Variants in WWOX observed in about 807,000 individuals in gnomAD.
The protein encoded by WWOX is WW domain containing oxidoreductase, also known as WW domain-containing oxidoreductase.
A neutral mutation model predicts 46.2 loss-of-function variants in WWOX; 69 were observed. That is an observed-to-expected ratio of 1.49 (90% CI 1.23 to 1.82). WWOX has a LOEUF of 1.82. WWOX is among the 40% of genes most tolerant of loss of function. The pLI, the probability that WWOX is intolerant of heterozygous loss-of-function variation, is 0.00. For synonymous variants in WWOX, 359 were observed against 202.6 expected, an observed-to-expected ratio of 1.77 and a Z score of -6.56; for missense variants, 919 against 542.6, an observed-to-expected ratio of 1.69 and a Z score of -6.89.
At chr16:79,198,257 G>C (rs537018549) in intron 8 of WWOX, among the ~76,000 whole-genome samples, 1 of 152,284 alleles carries the variant, frequency 6.6e-6, no homozygotes, top group South Asian at 2.1e-4. Context: ...AGAATCGCTT[G>C]AACCTGGGAG....
chr16:79,157,870 G>C (rs2050412429), intron 8 of WWOX, among the ~76,000 whole-genome samples: 1 of 152,218 alleles, frequency 6.6e-6, no homozygotes, highest in South Asian at 2.1e-4. Flanking sequence ...GTTTGAGTAA[G>C]TTCAGCAGGC....
chr16:79,034,026 A>G (rs778542279), intron 8 of WWOX, among the ~76,000 whole-genome samples: 1 of 152,172 alleles, frequency 6.6e-6, no homozygotes, highest in Non-Finnish European at 1.5e-5. Flanking sequence ...TTATGTCAGG[A>G]AGCACAGGCT....
chr16:78,825,633 G>A (rs1453829537), intron 8 of WWOX: 15 of 517,968 alleles, frequency 2.9e-5, no homozygotes, highest in Admixed American at 1.3e-4. Context: ...GAGGGCCTGC[G>A]ATGGTGGGCT....
At chr16:78,757,482 C>T (rs1304134857) in intron 8 of WWOX, among the ~76,000 whole-genome samples, 1 of 152,042 alleles carries the variant, frequency 6.6e-6, no homozygotes, top group East Asian at 1.9e-4. Flanking sequence ...CCATCTAGGA[C>T]CCTGGCTGCA....
chr16:78,572,545 G>T (rs1252590104), intron 8 of WWOX, among the ~76,000 whole-genome samples: 2 of 140,254 alleles, frequency 1.4e-5, no homozygotes, highest in Non-Finnish European at 3.0e-5. Context: ...CGAGGCTGCA[G>T]TGAGCCATGA....
intron 8 of WWOX, among the ~76,000 whole-genome samples, chr16:79,104,635 G>A (rs72795700): frequency 1.7e-4 from 26 of 152,248 alleles, no homozygotes; most frequent in Non-Finnish European, 2.9e-4. Context: ...ATGTCACCAT[G>A]TACCTTTGTG....
At chr16:79,031,905 T>TAGAGAG (rs1567501240) in intron 8 of WWOX, among the ~76,000 whole-genome samples, 1 of 51,338 alleles carries the variant, frequency 1.9e-5, no homozygotes, top group African/African-American at 4.2e-5. Context: ...GATATCTATA[T>TAGAGAG]ATATAGATAT....
intron 8 of WWOX, among the ~76,000 whole-genome samples, chr16:78,935,889 G>A (rs1011010888): frequency 3.3e-5 from 5 of 152,020 alleles, no homozygotes; most frequent in African/African-American, 1.2e-4. Flanking sequence ...TTCGGCCTGG[G>A]TGACAGAGTG....
chr16:78,493,191 A>G (rs2084828576), intron 8 of WWOX, among the ~76,000 whole-genome samples: 1 of 152,190 alleles, frequency 6.6e-6, no homozygotes, highest in Admixed American at 6.5e-5. Flanking sequence ...ATGGAATAAT[A>G]CATGTTTCCT....
chr16:78,395,725 C>T (rs984109613), intron 6 of WWOX, among the ~76,000 whole-genome samples: 1 of 151,818 alleles, frequency 6.6e-6, no homozygotes, highest in Non-Finnish European at 1.5e-5. Flanking sequence ...TACTTTATTA[C>T]TCTACTGAGT....
At chr16:78,731,264 C>G (rs2048962576) in intron 8 of WWOX, among the ~76,000 whole-genome samples, 1 of 152,082 alleles carries the variant, frequency 6.6e-6, no homozygotes, top group Non-Finnish European at 1.5e-5. Context: ...CAAGGTTAGA[C>G]CCGAGGTAAG....
intron 8 of WWOX, among the ~76,000 whole-genome samples, chr16:78,845,944 C>T (rs1168402609): frequency 1.4e-5 from 2 of 140,526 alleles, no homozygotes; most frequent in South Asian, 4.2e-4. Context: ...CCAGTTTTTC[C>T]CATAAAATAA....
At chr16:78,601,259 C>T (rs542802820) in intron 8 of WWOX, among the ~76,000 whole-genome samples, 2 of 152,160 alleles carry the variant, frequency 1.3e-5, no homozygotes, top group African/African-American at 2.4e-5. Context: ...AGCCGGGTCC[C>T]TCTTTGCCCC....
intron 8 of WWOX, among the ~76,000 whole-genome samples, chr16:78,932,234 T>C (rs189907018): frequency 2.0e-5 from 3 of 152,272 alleles, no homozygotes; most frequent in Admixed American, 1.3e-4. Flanking sequence ...TCATAAAGTA[T>C]TGTATCCAAT....
At chr16:78,762,794 T>G (rs2049826131) in intron 8 of WWOX, among the ~76,000 whole-genome samples, 1 of 152,218 alleles carries the variant, frequency 6.6e-6, no homozygotes, top group African/African-American at 2.4e-5. Flanking sequence ...CTCTCTGGCC[T>G]CAGTATCTGT....
At chr16:78,156,539 G>C (rs2034606263) in intron 4 of WWOX, among the ~76,000 whole-genome samples, 1 of 152,196 alleles carries the variant, frequency 6.6e-6, no homozygotes, top group African/African-American at 2.4e-5. Context: ...TTCTTCAGCA[G>C]ATATTTATTG....
At chr16:78,826,838 C>G (rs1041738065) in intron 8 of WWOX, among the ~76,000 whole-genome samples, 11 of 152,180 alleles carry the variant, frequency 7.2e-5, no homozygotes, top group African/African-American at 2.7e-4. Context: ...AGCTGTGTGA[C>G]AATTCTGGAT....
intron 8 of WWOX, among the ~76,000 whole-genome samples, chr16:78,943,372 G>GT (rs765598229): frequency 4.8e-5 from 7 of 147,172 alleles, no homozygotes; most frequent in East Asian, 3.9e-4. Context: ...TTCACTAACT[G>GT]TTCATCTCCT....
intron 8 of WWOX, among the ~76,000 whole-genome samples, chr16:79,158,065 C>T (rs1334800790): frequency 6.6e-6 from 1 of 151,976 alleles, no homozygotes; most frequent in Non-Finnish European, 1.5e-5. Flanking sequence ...ATTTATTGAC[C>T]CTGGGAGGGG....
Sources: allele counts gnomAD v4.1 joint callset (sites outside exome capture counted in the v4.1 genomes callset), GRCh38; gene constraint gnomAD v4.1.1; transcripts MANE v1.5; gene names NCBI Gene and HGNC (gene_info 2026-07-23, HGNC 2026-07-21).